Variants in FRMD5 observed in about 807,000 individuals in gnomAD.
The protein encoded by FRMD5 is FERM domain-containing protein 5.
FRMD5 carries 20 observed loss-of-function variants against 69.0 expected under a neutral mutation model. That is an observed-to-expected ratio of 0.29 (90% CI 0.20 to 0.42). The LOEUF (loss-of-function observed/expected upper bound fraction) is 0.42, where lower values mean the gene tolerates loss of function less well. Ranked by LOEUF, FRMD5 falls within the 10% of genes least tolerant of loss-of-function variation. The probability of loss-of-function intolerance (pLI) is 1.00; values close to 1 mark genes in which losing one functional copy is unlikely to be tolerated. For synonymous variants in FRMD5, 271 were observed against 260.1 expected, an observed-to-expected ratio of 1.04 and a Z score of -0.40; for missense variants, 595 against 708.6, an observed-to-expected ratio of 0.84 and a Z score of 1.82.
chr15:43,955,934 G>A (rs898251054), intron 1 of FRMD5, among the ~76,000 whole-genome samples: 2 of 152,002 alleles, frequency 1.3e-5, no homozygotes, highest in African/African-American at 4.8e-5. Flanking sequence ...TTTACCACAG[G>A]TAAGACAAAA....
At chr15:43,990,326 T>C (rs1372064997) in intron 1 of FRMD5, 3 of 256,446 alleles carry the variant, frequency 1.2e-5, no homozygotes. Flanking sequence ...TGCTTTTTTG[T>C]GATATTTGCT....
chr15:44,179,180 A>G (rs1179946358), intron 1 of FRMD5, among the ~76,000 whole-genome samples: 1 of 152,206 alleles, frequency 6.6e-6, no homozygotes, highest in African/African-American at 2.4e-5. Context: ...ACTACCAGCC[A>G]TTAGTAACTA....
chr15:44,137,123 A>C (rs1206221691), intron 1 of FRMD5, among the ~76,000 whole-genome samples: 1 of 152,216 alleles, frequency 6.6e-6, no homozygotes, highest in African/African-American at 2.4e-5. Context: ...TAAGGAATGT[A>C]ACTCAGAATC....
chr15:43,994,982 CCTT>C (rs949426350), intron 1 of FRMD5, among the ~76,000 whole-genome samples: 1 of 152,176 alleles, frequency 6.6e-6, no homozygotes, highest in Non-Finnish European at 1.5e-5. Context: ...CTTTCTCTCT[CCTT>C]CATTTCTGAA....
intron 2 of FRMD5, among the ~76,000 whole-genome samples, chr15:43,923,381 C>T (rs1318491010): frequency 6.6e-6 from 1 of 152,040 alleles, no homozygotes; most frequent in East Asian, 1.9e-4. Flanking sequence ...TAGGAGGATC[C>T]CTAATACAGA....
At chr15:43,963,156 A>T (rs1384303449) in intron 1 of FRMD5, among the ~76,000 whole-genome samples, 1 of 152,256 alleles carries the variant, frequency 6.6e-6, no homozygotes, top group East Asian at 1.9e-4. Context: ...CAACCTACTC[A>T]TCTGACAAAG....
At chr15:43,953,710 G>A (rs1198482566) in intron 1 of FRMD5, among the ~76,000 whole-genome samples, 1 of 152,206 alleles carries the variant, frequency 6.6e-6, no homozygotes, top group Non-Finnish European at 1.5e-5. Flanking sequence ...CCAACAGAGA[G>A]TGATAACAGG....
At position 44,073,493 on chromosome 15, in the gene FRMD5, TACTG is replaced by T. The variant is rs150317728; in HGVS notation, c.102+121456_102+121459del. Among the ~76,000 whole-genome samples the T allele has an allele frequency of 6.2e-3, 950 of 152,350 alleles. 8 individuals carry two copies. The highest frequency in any genetic ancestry group is 0.022 in the African/African-American group (905 of 41,580). On this transcript the variant is annotated intron_variant, in intron 1 of 13. Transcript: ENST00000417257. ...AATTTTTTTTGGAACAATCAAATTATACTGACTACCTATTATATTCTGACATGTT... is the reference window on the plus strand; with the variant it reads ...AATTTTTTTTGGAACAATCAAATTATACTACCTATTATATTCTGACATGTT...
chr15:43,973,556 C>T lies in FRMD5; in HGVS notation c.103-49247G>A, dbSNP rs919367820. Among the ~76,000 whole-genome samples, 19 of 151,732 alleles carry T rather than the reference C, an allele frequency of 1.3e-4. No homozygotes were observed. In the South Asian group the frequency reaches 3.1e-3, roughly 25 times the overall value. On this transcript the variant is annotated intron_variant, in intron 1 of 13. Transcript: ENST00000417257. The stretch of plus-strand genomic sequence containing the variant: ...CTAGTTTTTGTATTTTTAGCAGAGA[C>T]GGGGTTTCACCATGTTGGTCAGGCT...
chr15:44,188,749 T>C (rs965843170), intron 1 of FRMD5, among the ~76,000 whole-genome samples: 1 of 152,130 alleles, frequency 6.6e-6, no homozygotes, highest in African/African-American at 2.4e-5. Flanking sequence ...ATGACTCAAA[T>C]GAGGCATAAG....
At chr15:43,917,399 A>T (rs1049830164) in intron 4 of FRMD5, among the ~76,000 whole-genome samples, 3 of 151,348 alleles carry the variant, frequency 2.0e-5, no homozygotes, top group African/African-American at 7.3e-5. Context: ...CTTGAAAAAA[A>T]TTTTTTTTTG....
chr15:44,058,131 A>T (rs948161055), intron 1 of FRMD5, among the ~76,000 whole-genome samples: 2 of 152,214 alleles, frequency 1.3e-5, no homozygotes, highest in African/African-American at 4.8e-5. Context: ...CAGGCCACAG[A>T]AGGACTTATG....
chr15:44,004,001 T>A (rs1316959208), intron 1 of FRMD5, among the ~76,000 whole-genome samples: 1 of 152,198 alleles, frequency 6.6e-6, no homozygotes, highest in African/African-American at 2.4e-5. Flanking sequence ...ATGAATAAAT[T>A]ATTAGGAACC....
chr15:43,989,865 G>T, intron 1 of FRMD5: 1 of 1,030,232 alleles, frequency 9.7e-7, no homozygotes, highest in Non-Finnish European at 1.5e-6. Context: ...GGGGGACCTT[G>T]GTCAGCAGCA....
intron 1 of FRMD5, among the ~76,000 whole-genome samples, chr15:44,034,361 A>G (rs1044342225): frequency 4.6e-5 from 7 of 152,144 alleles, no homozygotes; most frequent in Non-Finnish European, 8.8e-5. Flanking sequence ...TTATTTGACT[A>G]CCTACTTATA....
chr15:43,995,997 G>C (rs1194860320), intron 1 of FRMD5, among the ~76,000 whole-genome samples: 8 of 151,938 alleles, frequency 5.3e-5, no homozygotes, highest in African/African-American at 1.9e-4. Context: ...TACAGGGTGG[G>C]GTCACGAGGA....
intron 8 of FRMD5, among the ~76,000 whole-genome samples, chr15:43,890,718 A>G (rs2088774347): frequency 1.3e-5 from 2 of 152,192 alleles, no homozygotes; most frequent in South Asian, 4.1e-4. Flanking sequence ...GTTGGGGTGT[A>G]TTCTGGTAAC....
At chr15:43,919,352 C>T (rs954954793) in intron 4 of FRMD5, 107 bp downstream of exon 4, 3 of 930,422 alleles carry the variant, frequency 3.2e-6, no homozygotes, top group Non-Finnish European at 5.4e-6. Flanking sequence ...AGTTCCTTGC[C>T]TCTAAGAGTT....
chr15:43,971,441 C>CT (rs1384387108), intron 1 of FRMD5, among the ~76,000 whole-genome samples: 2 of 151,692 alleles, frequency 1.3e-5, no homozygotes, highest in African/African-American at 4.8e-5. Flanking sequence ...CTCACCAGCA[C>CT]TTTGGGAGGC....
Sources: allele counts gnomAD v4.1 joint callset (sites outside exome capture counted in the v4.1 genomes callset), GRCh38; gene constraint gnomAD v4.1.1; transcripts MANE v1.5; gene names NCBI Gene and HGNC (gene_info 2026-07-23, HGNC 2026-07-21).